TGM4: variants seen among roughly 807,000 people sequenced by gnomAD.
TGM4 encodes the protein protein-glutamine gamma-glutamyltransferase 4.
TGM4 carries 61 observed loss-of-function variants against 76.3 expected under a neutral mutation model. The ratio of observed to expected loss-of-function variants is 0.80; its 90% CI spans 0.65 to 0.99. TGM4 has a LOEUF of 0.99. TGM4 is among the 50% of genes least tolerant of loss of function. The pLI is 0.00. For missense variants in TGM4, 794 were observed against 843.2 expected (o/e 0.94, Z 0.72); for synonymous variants, 337 against 329.8 (o/e 1.02, Z -0.24).
At chr3:44,890,446 C>A in intron 3 of TGM4, 157 bp from the exon 4 acceptor site, 5 of 1,005,980 alleles carry the variant, frequency 5.0e-6, no homozygotes, top group Non-Finnish European at 7.3e-6. Flanking sequence ...CTTGCAGGGG[C>A]GCTCCTGGCT....
At chr3:44,899,739 T>C (rs1310640090) in intron 6 of TGM4, 6 of 152,258 alleles carry the variant, frequency 3.9e-5, no homozygotes, top group Admixed American at 1.3e-4. Flanking sequence ...CCCATGTCTG[T>C]GGGTCAGGAA....
Position 44,885,508 on chromosome 3 carries a change from C to T in TGM4, c.193+10C>T, listed in dbSNP as rs373455840. On this transcript the variant is annotated intron_variant, in intron 2 of 13. Transcript: ENST00000296125. The stretch of plus-strand genomic sequence containing the variant: ...CTGGAATTCAGCACAGGTGAAGCCT[C>T]GGGGCCCTACTCATGGGGCTTTGGG... 20 of 1,604,616 alleles carry T rather than the reference C, an allele frequency of 1.2e-5. No homozygotes were observed. The highest frequency in any genetic ancestry group is 2.2e-4 in the Middle Eastern group (1 of 4,548).
intron 1 of TGM4, among the ~76,000 whole-genome samples, chr3:44,879,253 C>CTATA (rs1699494418): frequency 1.0e-5 from 1 of 97,904 alleles, no homozygotes; most frequent in Non-Finnish European, 2.3e-5. Flanking sequence ...CTCTCTCTCT[C>CTATA]TCTCTCTCTC....
At chr3:44,902,066 C>T in intron 8 of TGM4, 135 bp downstream of exon 8, 1 of 1,113,558 alleles carries the variant, frequency 9.0e-7, no homozygotes, top group Non-Finnish European at 1.3e-6. Context: ...CTGCCTTAGC[C>T]TCCCAGGTAG....
At chr3:44,888,030 T>C (rs1165352213) in intron 3 of TGM4, 1 of 518,444 alleles carries the variant, frequency 1.9e-6, no homozygotes, top group African/African-American at 1.9e-5. Context: ...CCCCTTTCCA[T>C]TTCAAAGGGA....
At chr3:44,883,354 C>T (rs1350578660) in intron 1 of TGM4, among the ~76,000 whole-genome samples, 2 of 152,174 alleles carry the variant, frequency 1.3e-5, no homozygotes, top group Non-Finnish European at 2.9e-5. Context: ...AGGTGCCCCT[C>T]TAAAGGGACC....
rs750069289 is a variant in TGM4 at position 44,885,338 on chromosome 3, C to G, written c.33C>G (p.Leu11=). ...CGTTGCTGACAGAGCTGCAAGTTCT[C>G]CACATTGACTTCTTGAATCAGGACA... The part of the protein sequence containing the change: MMDASKELQV[L]HIDFLNQDNA... Residue 11 remains leucine, a synonymous_variant, in exon 2 of 14, where the codon CTC becomes CTG. Coordinates refer to ENST00000296125, the MANE Select transcript of TGM4 (RefSeq NM_003241.4). 1.2e-6 allele frequency: 2 copies of G among 1,607,956 alleles called. No homozygotes were observed.
intron 4 of TGM4, among the ~76,000 whole-genome samples, chr3:44,892,875 G>A (rs1699723494): frequency 6.6e-6 from 1 of 152,126 alleles, no homozygotes; most frequent in Admixed American, 6.5e-5. Flanking sequence ...TCTGTCTGAT[G>A]ATTCATCATC....
chr3:44,910,497 A>T, intron 11 of TGM4, 129 bp downstream of exon 11: 1 of 1,188,582 alleles, frequency 8.4e-7, no homozygotes, highest in Non-Finnish European at 1.2e-6. Context: ...ACAAACATTT[A>T]TTGAGCACCT....
intron 5 of TGM4, 133 bp from the exon 6 acceptor site, chr3:44,896,576 T>C (rs1699781060): frequency 1.3e-6 from 1 of 754,658 alleles, no homozygotes; most frequent in South Asian, 1.7e-5. Flanking sequence ...GTGGTGGACT[T>C]TTTTATGAGA....
intron 10 of TGM4, among the ~76,000 whole-genome samples, chr3:44,907,938 G>A (rs1699947806): frequency 1.3e-5 from 2 of 152,144 alleles, no homozygotes. Context: ...AACTGAAGAT[G>A]GGATGTGATT....
Position 44,885,334 on chromosome 3 carries a change from T to G in TGM4, c.29T>G (p.Val10Gly). 3 of 1,606,498 alleles carry G rather than the reference T, an allele frequency of 1.9e-6. No individual in the cohort carries two copies. The highest frequency in any genetic ancestry group is 2.6e-6 in the Non-Finnish European group (3 of 1,173,852). The change falls in exon 2 of 14, where the codon GTT (valine) becomes GGT (glycine). Residue 10 changes from valine (V) to glycine (G), a missense_variant. Val to Gly is a moderately radical substitution (Grantham distance 109). Coordinates refer to ENST00000296125, the MANE Select transcript of TGM4 (RefSeq NM_003241.4). MMDASKELQ[V>G]LHIDFLNQDN... ...GCTGCGTTGCTGACAGAGCTGCAAG[T>G]TCTCCACATTGACTTCTTGAATCAG...
chr3:44,903,626 T>C lies in TGM4; in HGVS notation c.972-258T>C. ...AGACTCCCAGGCTCTTTGAAATCCA[T>C]AGGCAGGGTGACGGTCTCATGAGGT... On this transcript the variant is annotated intron_variant, in intron 8 of 13. Coordinates refer to ENST00000296125, the MANE Select transcript of TGM4 (RefSeq NM_003241.4). 3 of 490,370 alleles carry C rather than the reference T, an allele frequency of 6.1e-6. No individual in the cohort carries two copies. In the South Asian group the frequency reaches 7.5e-5, roughly 12 times the overall value. 30.4% of individuals were successfully genotyped at this position (490,370 alleles called of 1,614,324 possible). A position where few individuals can be genotyped will look rare whatever the true frequency, so the allele number is the denominator to read the frequency against.
At chr3:44,903,517 A>G (rs759002817) in intron 8 of TGM4, 3 of 187,160 alleles carry the variant, frequency 1.6e-5, no homozygotes, top group African/African-American at 2.3e-5. Flanking sequence ...AAAATTTATT[A>G]GGTGTCTGTT....
intron 9 of TGM4, 121 bp from the exon 10 acceptor site, chr3:44,906,828 C>T: frequency 1.5e-6 from 2 of 1,357,528 alleles, no homozygotes; most frequent in Non-Finnish European, 2.0e-6. Flanking sequence ...TACCCAGATG[C>T]TTCTTGGGCA....
chr3:44,913,562 C>G, intron 13 of TGM4, 22 bp from the exon 14 acceptor site: 1 of 1,607,478 alleles, frequency 6.2e-7, no homozygotes, highest in Non-Finnish European at 8.5e-7. Context: ...ATTGTATGTC[C>G]GTATGTCTTT....
intron 1 of TGM4, among the ~76,000 whole-genome samples, chr3:44,882,057 CTTTTTT>C (rs60542332): frequency 7.6e-5 from 8 of 104,640 alleles, no homozygotes; most frequent in African/African-American, 2.9e-4. Flanking sequence ...AATACAAACG[CTTTTTT>C]TTTTTTTTTT....
rs146688346 is a variant in TGM4 at position 44,913,586 on chromosome 3, C to T, written c.1916C>T (p.Thr639Met). The T allele has an allele frequency of 1.8e-3, 2,829 of 1,612,166 alleles. 37 individuals are homozygous for T. In the African/African-American group the frequency reaches 0.03, roughly 17 times the overall value. ...ISSLQTSDHGTVQPGETIQSQ... is the reference protein window; with the variant it reads ...ISSLQTSDHGMVQPGETIQSQ... ...CCGTATGTCTTTGAATTTTCCAGGA[C>T]GGTGCAGCCTGGTGAGACCATCCAA... The change falls in exon 14 of 14, where the codon ACG becomes ATG. Residue 639 changes from threonine to methionine, a missense_variant and splice_region_variant. By Grantham distance (81) the Thr-to-Met change is moderately conservative. Coordinates refer to ENST00000296125, the MANE Select transcript of TGM4 (RefSeq NM_003241.4).
chr3:44,892,415 T>A (rs566775880), intron 4 of TGM4, among the ~76,000 whole-genome samples: 2 of 146,328 alleles, frequency 1.4e-5, no homozygotes, highest in African/African-American at 2.5e-5. Context: ...CAGGCTGGAG[T>A]GCAATGGCGC....
Sources: allele counts gnomAD v4.1 joint callset (sites outside exome capture counted in the v4.1 genomes callset), GRCh38; gene constraint gnomAD v4.1.1; transcripts MANE v1.5; gene names NCBI Gene and HGNC (gene_info 2026-07-23, HGNC 2026-07-21).